FBXO34: variants seen among roughly 807,000 people sequenced by gnomAD.
The protein encoded by FBXO34 is F-box only protein 34.
A neutral mutation model predicts 24.5 loss-of-function variants in FBXO34; 12 were observed. The ratio of observed to expected loss-of-function variants is 0.49; its 90% CI spans 0.31 to 0.79. The LOEUF is 0.79. Ranked by LOEUF, FBXO34 falls within the 30% of genes least tolerant of loss-of-function variation. FBXO34 has a pLI of 0.04. For missense variants in FBXO34, 823 were observed against 857.7 expected, an observed-to-expected ratio of 0.96 and a Z score of 0.51; for synonymous variants, 320 against 311.9, an observed-to-expected ratio of 1.03 and a Z score of -0.27.
downstream of FBXO34, among the ~76,000 whole-genome samples, chr14:55,365,351 C>T (rs1884657431): frequency 6.6e-6 from 1 of 151,996 alleles, no homozygotes; most frequent in South Asian, 2.1e-4. Context: ...AGGCATGAAC[C>T]ACTGTGCCCC....
At chr14:55,360,761 GC>G in intron 3 of FBXO34, among the ~76,000 whole-genome samples, 1 of 152,188 alleles carries the variant, frequency 6.6e-6, no homozygotes, top group Non-Finnish European at 1.5e-5. Flanking sequence ...ACTTTGGGAG[GC>G]CTAGGCGGGC....
At chr14:55,334,286 G>C (rs11625968) in intron 1 of FBXO34, among the ~76,000 whole-genome samples, 78,579 of 152,032 alleles carry the variant, frequency 0.52, 22,156 homozygotes, top group African/African-American at 0.76. Flanking sequence ...TAAACTTCCA[G>C]TTATGAGATG....
chr14:55,286,678 A>G (rs924585229), intron 1 of FBXO34, among the ~76,000 whole-genome samples: 1 of 152,196 alleles, frequency 6.6e-6, no homozygotes, highest in African/African-American at 2.4e-5. Flanking sequence ...ACTAGTTACT[A>G]AGAATTTTTA....
rs576546183 is a variant in FBXO34 at position 55,350,824 on chromosome 14, G to A, written c.434G>A (p.Gly145Glu). The change falls in exon 2 of 2, where the codon GGG becomes GAG. Residue 145 changes from glycine to glutamate, a missense_variant. By Grantham distance (98) the Gly-to-Glu change is moderately conservative (BLOSUM62 -2). Around this residue, in one of 2 missense-constraint regions of FBXO34, gnomAD observed 693 missense variants for 659.1 expected, o/e 1.05. Coordinates refer to ENST00000313833, the MANE Select transcript of FBXO34 (RefSeq NM_017943.4). ...MKIKSSWDID[G>E]RATKRRKKSG... ...ATAAAAAGTTCCTGGGATATTGATG[G>A]GAGAGCTACTAAGAGAAGGAAAAAA... 6 of 1,612,294 alleles carry A rather than the reference G, an allele frequency of 3.7e-6. No individual in the cohort carries two copies. Among genetic ancestry groups the A allele is most frequent in the Non-Finnish European group, 5.1e-6 (6 of 1,179,536 alleles).
chr14:55,353,717 TAA>T (rs1477349531), downstream of FBXO34: 1 of 164,822 alleles, frequency 6.1e-6, no homozygotes, highest in African/African-American at 2.4e-5. Context: ...TTGTTGGAGA[TAA>T]AGTGTTTTTT....
At chr14:55,415,462 A>G in the FBXO34 span, among the ~76,000 whole-genome samples, 1 of 152,208 alleles carries the variant, frequency 6.6e-6, no homozygotes, top group Non-Finnish European at 1.5e-5. Context: ...AATACACCCC[A>G]AATTGAAAAC....
At chr14:55,424,886 C>T in the FBXO34 span, among the ~76,000 whole-genome samples, 2 of 152,216 alleles carry the variant, frequency 1.3e-5, no homozygotes, top group Non-Finnish European at 2.9e-5. Flanking sequence ...CACACTCCAG[C>T]CTGGAGAGGA....
At chr14:55,430,421 A>G in the FBXO34 span, among the ~76,000 whole-genome samples, 1 of 132,766 alleles carries the variant, frequency 7.5e-6, no homozygotes, top group Admixed American at 7.6e-5. Context: ...AAAAAAAAAA[A>G]AAGAGATTGG....
chr14:55,305,743 G>A (rs968314992), intron 1 of FBXO34, among the ~76,000 whole-genome samples: 2 of 151,794 alleles, frequency 1.3e-5, no homozygotes, highest in Admixed American at 1.3e-4. Context: ...ATAAAATTAC[G>A]TTATAAAAAT....
At chr14:55,347,557 G>T (rs1410807207) in intron 1 of FBXO34, among the ~76,000 whole-genome samples, 1 of 152,054 alleles carries the variant, frequency 6.6e-6, no homozygotes, top group Non-Finnish European at 1.5e-5. Flanking sequence ...TTCTTTCAGG[G>T]GTCTCACAGA....
rs140378664 is a variant in FBXO34 at position 55,299,199 on chromosome 14, G to A, written c.-11+27662G>A. The A allele has an allele frequency of 5.7e-3, 5,495 of 970,352 alleles. 137 individuals carry two copies. The African/African-American group carries it at 0.061, about 11-fold the overall frequency. The allele number at this position is 970,352 out of a possible 1,614,324, so 60.1% of individuals were successfully genotyped here. A position where few individuals can be genotyped will look rare whatever the true frequency, so the allele number is the denominator to read the frequency against. ...CCCTCTACCAAATGTTCCCTCTATA[G>A]CCCTACCATCAAAACCTGCCAAGAA... is the stretch of plus-strand genomic sequence containing the variant. On this transcript the variant is annotated intron_variant, in intron 1 of 1. Coordinates refer to ENST00000313833, the MANE Select transcript of FBXO34 (RefSeq NM_017943.4).
intron 1 of FBXO34, among the ~76,000 whole-genome samples, chr14:55,292,416 G>A (rs1480253126): frequency 6.6e-6 from 1 of 151,876 alleles, no homozygotes; most frequent in South Asian, 2.1e-4. Context: ...CTGGAGTGTG[G>A]TGGTGCCAAC....
the FBXO34 span, chr14:55,413,597 G>A: frequency 4.5e-6 from 2 of 442,266 alleles, no homozygotes; most frequent in Non-Finnish European, 9.1e-6. Context: ...AGCAGCCCAG[G>A]CTCCCTCCAT....
At chr14:55,279,218 G>A (rs1411679867) in intron 1 of FBXO34, among the ~76,000 whole-genome samples, 3 of 151,650 alleles carry the variant, frequency 2.0e-5, no homozygotes, top group Admixed American at 1.3e-4. Context: ...CCCGGGAGAC[G>A]GAGGCTGCAG....
At chr14:55,340,761 G>A (rs772111180) in intron 1 of FBXO34, among the ~76,000 whole-genome samples, 3 of 152,104 alleles carry the variant, frequency 2.0e-5, no homozygotes, top group Admixed American at 6.6e-5. Flanking sequence ...ATTAGTAGCT[G>A]TACTCTTATT....
At chr14:55,402,581 G>A in the FBXO34 span, among the ~76,000 whole-genome samples, 3 of 151,828 alleles carry the variant, frequency 2.0e-5, no homozygotes, top group East Asian at 1.9e-4. Flanking sequence ...TATTTTTATC[G>A]GCAAAGATAT....
the FBXO34 span, chr14:55,396,061 TTAAAA>T: frequency 1.2e-5 from 13 of 1,121,240 alleles, no homozygotes; most frequent in Non-Finnish European, 1.7e-5. Flanking sequence ...AATCAAACAC[TTAAAA>T]TTAAGTCCTT....
At chr14:55,290,606 G>A (rs1423333423) in intron 1 of FBXO34, among the ~76,000 whole-genome samples, 8 of 151,972 alleles carry the variant, frequency 5.3e-5, no homozygotes, top group East Asian at 1.9e-4. Context: ...AGCCCATTCC[G>A]AGCAGCAGGG....
chr14:55,356,253 CTGTT>C (rs1306723930), downstream of FBXO34, among the ~76,000 whole-genome samples: 1 of 152,218 alleles, frequency 6.6e-6, no homozygotes, highest in Non-Finnish European at 1.5e-5. Flanking sequence ...AGCAGACTGG[CTGTT>C]TGTCCTCCTT....
Sources: gnomAD v4.1 joint callset for allele counts (sites outside exome capture counted in the v4.1 genomes callset) on GRCh38, gnomAD v4.1.1 for gene constraint, gnomAD v4.1.1 regional missense constraint, MANE v1.5 for transcripts, NCBI Gene and HGNC (gene_info 2026-07-23, HGNC 2026-07-21) for gene names.